Variants in ARL15 observed in about 807,000 individuals in gnomAD.
The protein encoded by ARL15 is ADP-ribosylation factor-like protein 15.
In ARL15, 19 loss-of-function variants were observed where a neutral mutation model predicts 25.2. The observed-to-expected ratio is 0.75, with a 90% CI of 0.53 to 1.10. The LOEUF is 1.10. Ranked by LOEUF, ARL15 falls within the 50% of genes least tolerant of loss-of-function variation. The probability of loss-of-function intolerance (pLI) is 0.00; values close to 1 mark genes in which losing one functional copy is unlikely to be tolerated. For missense variants in ARL15, 220 were observed against 246.0 expected, an observed-to-expected ratio of 0.89 and a Z score of 0.71; for synonymous variants, 94 against 86.8, an observed-to-expected ratio of 1.08 and a Z score of -0.46.
At chr5:54,209,650 A>C (rs1480362533) in intron 1 of ARL15, among the ~76,000 whole-genome samples, 1 of 152,096 alleles carries the variant, frequency 6.6e-6, no homozygotes, top group African/African-American at 2.4e-5. Context: ...TTCTTTTTAA[A>C]GGACTATTTT....
At chr5:54,082,766 A>T (rs1217816059) in intron 4 of ARL15, among the ~76,000 whole-genome samples, 1 of 152,098 alleles carries the variant, frequency 6.6e-6, no homozygotes, top group Non-Finnish European at 1.5e-5. Flanking sequence ...TTCCTTCTCA[A>T]GCCTCATATT....
At chr5:54,019,024 G>GT (rs1294027429) in intron 4 of ARL15, among the ~76,000 whole-genome samples, 1 of 151,970 alleles carries the variant, frequency 6.6e-6, no homozygotes, top group Non-Finnish European at 1.5e-5. Context: ...TTGTTAAACA[G>GT]TTTTTTGTCA....
At chr5:54,225,756 A>G (rs1459582278) in intron 1 of ARL15, among the ~76,000 whole-genome samples, 1 of 152,164 alleles carries the variant, frequency 6.6e-6, no homozygotes, top group Admixed American at 6.5e-5. Flanking sequence ...GGGAAGGAGT[A>G]AGGACACACC....
chr5:54,087,803 G>A (rs1205445800), intron 4 of ARL15, among the ~76,000 whole-genome samples: 1 of 24,238 alleles, frequency 4.1e-5, no homozygotes, highest in Admixed American at 6.3e-4. Context: ...AACCTCCTGA[G>A]TAGCTAGGAT....
chr5:54,080,258 TAGAGAG>T (rs1156818874), intron 4 of ARL15, among the ~76,000 whole-genome samples: 2 of 152,154 alleles, frequency 1.3e-5, no homozygotes, highest in Non-Finnish European at 2.9e-5. Flanking sequence ...AATATTGCAC[TAGAGAG>T]AGGTGAAGAG....
intron 4 of ARL15, among the ~76,000 whole-genome samples, chr5:53,956,887 A>G (rs1222481605): frequency 6.6e-6 from 1 of 152,156 alleles, no homozygotes; most frequent in East Asian, 1.9e-4. Flanking sequence ...AGATAGGTCC[A>G]CTGCAATTAT....
chr5:54,125,014 A>T (rs151208312), intron 3 of ARL15, among the ~76,000 whole-genome samples: 1 of 150,890 alleles, frequency 6.6e-6, no homozygotes, highest in East Asian at 1.9e-4. Context: ...TTGAATAGGT[A>T]TCTTCTGTCT....
At chr5:54,298,323 A>G (rs183183253) in intron 1 of ARL15, among the ~76,000 whole-genome samples, 4 of 152,304 alleles carry the variant, frequency 2.6e-5, no homozygotes, top group Admixed American at 1.3e-4. Context: ...ACAACCATCT[A>G]AATGTGTGCC....
chr5:53,915,410 A>G (rs1302659843), intron 4 of ARL15, among the ~76,000 whole-genome samples: 1 of 152,238 alleles, frequency 6.6e-6, no homozygotes, highest in Non-Finnish European at 1.5e-5. Context: ...ATGTATAAAA[A>G]TGGCTGTGGG....
chr5:53,947,167 G>GGTGTGTGTGTGTGTGT (rs3222349), intron 4 of ARL15, among the ~76,000 whole-genome samples: 27 of 123,698 alleles, frequency 2.2e-4, no homozygotes, highest in African/African-American at 6.4e-4. Flanking sequence ...AATAAATAAG[G>GGTGTGTGTGTGTGTGT]GTGTGTGTGT....
chr5:54,270,250 C>G (rs1053515816), intron 1 of ARL15, among the ~76,000 whole-genome samples: 12 of 152,208 alleles, frequency 7.9e-5, no homozygotes, highest in African/African-American at 2.9e-4. Context: ...CATTCACTTT[C>G]TCAACACTAA....
At chr5:53,946,486 A>C (rs1746737212) in intron 4 of ARL15, among the ~76,000 whole-genome samples, 1 of 150,792 alleles carries the variant, frequency 6.6e-6, no homozygotes, top group Non-Finnish European at 1.5e-5. Flanking sequence ...AAAAAGACAT[A>C]ATAAAGCCAG....
chr5:54,073,668 T>C (rs562532080), intron 4 of ARL15, among the ~76,000 whole-genome samples: 1 of 152,300 alleles, frequency 6.6e-6, no homozygotes, highest in Admixed American at 6.5e-5. Flanking sequence ...TCAGATTAAG[T>C]TTCCTTTTTT....
chr5:53,918,928 G>A (rs1254193760), intron 4 of ARL15, among the ~76,000 whole-genome samples: 1 of 151,996 alleles, frequency 6.6e-6, no homozygotes, highest in East Asian at 1.9e-4. Context: ...AGTACAAGAA[G>A]ATATACAATT....
intron 4 of ARL15, among the ~76,000 whole-genome samples, chr5:53,912,631 C>A (rs796540183): frequency 2.6e-5 from 4 of 152,312 alleles, no homozygotes; most frequent in African/African-American, 9.6e-5. Context: ...AAGGGCAGCA[C>A]TGAATGCACA....
intron 1 of ARL15, among the ~76,000 whole-genome samples, chr5:54,247,965 A>T (rs1030750904): frequency 1.3e-5 from 2 of 152,180 alleles, no homozygotes; most frequent in Non-Finnish European, 2.9e-5. Context: ...TTTTTACAGC[A>T]CGAAGACAAA....
chr5:54,103,772 C>A (rs888627083), intron 4 of ARL15, among the ~76,000 whole-genome samples: 8 of 152,124 alleles, frequency 5.3e-5, no homozygotes, highest in Non-Finnish European at 8.8e-5. Context: ...GGAGAGTATT[C>A]TATTCATTGC....
chr5:54,224,950 T>C (rs1392072503), intron 1 of ARL15, among the ~76,000 whole-genome samples: 1 of 152,196 alleles, frequency 6.6e-6, no homozygotes, highest in Non-Finnish European at 1.5e-5. Context: ...TGTGTGAATC[T>C]AATGGGAAAA....
intron 4 of ARL15, among the ~76,000 whole-genome samples, chr5:54,074,323 A>G (rs1295238825): frequency 6.6e-6 from 1 of 152,194 alleles, no homozygotes; most frequent in Non-Finnish European, 1.5e-5. Context: ...AAAACCTACA[A>G]TACATCCAAA....
Sources: allele counts gnomAD v4.1 joint callset (sites outside exome capture counted in the v4.1 genomes callset), GRCh38; gene constraint gnomAD v4.1.1; transcripts MANE v1.5; gene names NCBI Gene and HGNC (gene_info 2026-07-23, HGNC 2026-07-21).